Variants in ZPLD1 observed in about 807,000 individuals in gnomAD.
ZPLD1 encodes the protein zona pellucida like domain containing 1, also known as zona pellucida-like domain-containing protein 1.
Under a neutral mutation model 47.2 loss-of-function variants are expected in ZPLD1, and 34 were observed. The observed-to-expected ratio is 0.72, with a 90% CI of 0.55 to 0.96. The LOEUF is 0.96. Among genes scored for constraint, ZPLD1 ranks in the 40% least tolerant of loss-of-function variants. The pLI is 0.00. For synonymous variants in ZPLD1, 176 were observed against 186.2 expected (o/e 0.95, Z 0.45); for missense variants, 512 against 505.8 (o/e 1.01, Z -0.12).
At chr3:102,393,279 G>A (rs1462316672) in intron 7 of ZPLD1, among the ~76,000 whole-genome samples, 1 of 152,068 alleles carries the variant, frequency 6.6e-6, no homozygotes, top group Non-Finnish European at 1.5e-5. Flanking sequence ...TATATTAAGC[G>A]CTTAACTGTG....
chr3:102,432,942 C>T (rs1364205207), upstream of ZPLD1, among the ~76,000 whole-genome samples: 1 of 152,122 alleles, frequency 6.6e-6, no homozygotes, highest in Non-Finnish European at 1.5e-5. Flanking sequence ...TTCTTCCTTC[C>T]ACCTTAGAAC....
chr3:102,393,470 A>G (rs1312281443), intron 7 of ZPLD1, among the ~76,000 whole-genome samples: 2 of 152,132 alleles, frequency 1.3e-5, no homozygotes, highest in African/African-American at 4.8e-5. Context: ...TTTTGGTATA[A>G]TTGTGTTTGG....
chr3:102,388,455 C>CTGTGTGTG (rs55700835), intron 6 of ZPLD1, among the ~76,000 whole-genome samples: 9 of 135,410 alleles, frequency 6.6e-5, no homozygotes, highest in African/African-American at 1.6e-4. Flanking sequence ...CTCTCTCTGT[C>CTGTGTGTG]TGTGTGTGTG....
chr3:102,477,439 G>T lies in ZPLD1; in HGVS notation c.1073-4G>T, dbSNP rs750514861. ...TACAACCGGGTGTGTTTTATTATTT[G>T]CAGGTTCTCCAAGTATGCCTCCCTT... On this transcript the variant is annotated splice_polypyrimidine_tract_variant and splice_region_variant and intron_variant, in intron 11 of 11. Transcript: ENST00000466937. 2 of 1,609,762 alleles carry T rather than the reference G, an allele frequency of 1.2e-6. No individual in the cohort carries two copies. Among genetic ancestry groups the T allele is most frequent in the South Asian group, 1.1e-5 (1 of 90,388 alleles).
chr3:102,453,263 T>C, intron 4 of ZPLD1, 124 bp downstream of exon 4: 1 of 862,360 alleles, frequency 1.2e-6, no homozygotes, highest in Non-Finnish European at 1.8e-6. Context: ...CAAATCACTT[T>C]CCTTTGCCTG....
intron 4 of ZPLD1, among the ~76,000 whole-genome samples, chr3:102,453,811 CATTT>C (rs1401226118): frequency 4.6e-5 from 7 of 152,128 alleles, no homozygotes; most frequent in African/African-American, 1.2e-4. Context: ...TTGTAGCATT[CATTT>C]GTTTACTAAT....
chr3:102,440,844 C>T (rs1709972712), intron 3 of ZPLD1, among the ~76,000 whole-genome samples: 1 of 150,704 alleles, frequency 6.6e-6, no homozygotes, highest in South Asian at 2.1e-4. Flanking sequence ...GAGGCCTGAG[C>T]ATACATGAGT....
intron 6 of ZPLD1, 50 bp downstream of exon 6, chr3:102,457,903 G>T: frequency 6.4e-7 from 1 of 1,557,536 alleles, no homozygotes; most frequent in Non-Finnish European, 8.8e-7. Flanking sequence ...GTTGTGAGGA[G>T]TCATTTATGT....
upstream of ZPLD1, among the ~76,000 whole-genome samples, chr3:102,431,414 A>T (rs1170629072): frequency 6.6e-6 from 1 of 152,224 alleles, no homozygotes; most frequent in Non-Finnish European, 1.5e-5. Flanking sequence ...AGACAAGGAC[A>T]TTCTACATTA....
At position 102,458,541 on chromosome 3, in the gene ZPLD1, T is replaced by C. The variant is rs114885475; in HGVS notation, c.582+688T>C. Among the ~76,000 whole-genome samples, 943 of 152,298 alleles carry C rather than the reference T, an allele frequency of 6.2e-3. 16 individuals are homozygous for C. The highest frequency in any genetic ancestry group is 0.022 in the African/African-American group (896 of 41,564). On this transcript the variant is annotated intron_variant, in intron 6 of 11. Coordinates refer to ENST00000466937, the MANE Select transcript of ZPLD1 (RefSeq NM_001329788.2). ...ATCTATCAACCAACATTTCTGTAAA[T>C]TATGAATCGGATTTTTGCATTATTA...
chr3:102,477,610 T>C lies in ZPLD1; in HGVS notation c.1240T>C (p.Phe414Leu). ...LVLNGIRNPVFD is the reference protein window; with the variant it reads ...LVLNGIRNPVLD ...GTTGAATGGCATAAGAAACCCAGTC[T>C]TTGACTGACTATAACAGATTCCTGC... is the stretch of plus-strand genomic sequence containing the variant. The change falls in exon 12 of 12, where the codon TTT becomes CTT. Residue 414 changes from phenylalanine to leucine, a missense_variant. Transcript: ENST00000466937. The C allele has an allele frequency of 6.2e-7, 1 of 1,612,146 alleles. No homozygotes were observed. Among genetic ancestry groups the C allele is most frequent in the Non-Finnish European group, 8.5e-7 (1 of 1,179,136 alleles).
chr3:102,405,495 G>A (rs9870734), intron 7 of ZPLD1, among the ~76,000 whole-genome samples: 66,791 of 151,762 alleles, frequency 0.44, 15,812 homozygotes, highest in African/African-American at 0.59. Flanking sequence ...GAAGGCTTGA[G>A]GTCATGTGGT....
At chr3:102,387,789 AT>A (rs1192180720) in intron 6 of ZPLD1, among the ~76,000 whole-genome samples, 3 of 150,024 alleles carry the variant, frequency 2.0e-5, no homozygotes, top group Non-Finnish European at 3.0e-5. Context: ...TTCATTAATT[AT>A]CCTAAGCACT....
intron 10 of ZPLD1, among the ~76,000 whole-genome samples, chr3:102,471,795 G>A (rs1707690179): frequency 6.6e-6 from 1 of 152,104 alleles, no homozygotes; most frequent in African/African-American, 2.4e-5. Flanking sequence ...TTTTTAACAA[G>A]TTTATAAAGT....
intron 6 of ZPLD1, among the ~76,000 whole-genome samples, chr3:102,388,037 T>C (rs1706452135): frequency 6.6e-6 from 1 of 152,028 alleles, no homozygotes; most frequent in South Asian, 2.1e-4. Flanking sequence ...ATTTTTTGTA[T>C]TTTTAGTAGA....
In ZPLD1 at chr3:102,456,262, T is replaced by C. The variant is rs764688616; in HGVS notation, c.397T>C (p.Tyr133His). The C allele has an allele frequency of 5.0e-6, 8 of 1,613,808 alleles. No homozygotes were observed. The highest frequency in any genetic ancestry group is 2.2e-5 in the South Asian group (2 of 91,060). ...TSVQVGNISG[Y>H]IDTPDPPTII... ...AGTGCAAGTAGGAAATATTTCAGGA[T>C]ATATTGATACTCCAGACCCACCAAC... The change falls in exon 5 of 12, where the codon TAT becomes CAT. Residue 133 changes from tyrosine (Y) to histidine (H), a missense_variant. Coordinates refer to ENST00000466937, the MANE Select transcript of ZPLD1 (RefSeq NM_001329788.2).
chr3:102,444,694 A>G (rs1484375668), intron 3 of ZPLD1, among the ~76,000 whole-genome samples: 1 of 152,216 alleles, frequency 6.6e-6, no homozygotes, highest in African/African-American at 2.4e-5. Flanking sequence ...ATCGGAGCCC[A>G]GGATGTAAAT....
At chr3:102,417,905 G>T (rs543599603) in intron 7 of ZPLD1, among the ~76,000 whole-genome samples, 2 of 152,006 alleles carry the variant, frequency 1.3e-5, no homozygotes, top group South Asian at 2.1e-4. Flanking sequence ...GAAAGGGAAT[G>T]AAATGAAAAC....
chr3:102,402,535 C>T (rs540013688), intron 7 of ZPLD1, among the ~76,000 whole-genome samples: 4 of 151,956 alleles, frequency 2.6e-5, no homozygotes, highest in East Asian at 1.9e-4. Flanking sequence ...AAGGCTAAGT[C>T]GGTAGTGAGA....
Sources: allele counts gnomAD v4.1 joint callset (sites outside exome capture counted in the v4.1 genomes callset), GRCh38; gene constraint gnomAD v4.1.1; transcripts MANE v1.5; gene names NCBI Gene and HGNC (gene_info 2026-07-23, HGNC 2026-07-21).